Variants in ERC2 observed in about 807,000 individuals in gnomAD.
The protein encoded by ERC2 is ERC protein 2.
ERC2 carries 42 observed loss-of-function variants against 114.8 expected under a neutral mutation model. That is an observed-to-expected ratio of 0.37 (90% CI 0.29 to 0.47). ERC2 has a LOEUF of 0.47. ERC2 is among the 20% of genes least tolerant of loss of function. The pLI, the probability that ERC2 is intolerant of heterozygous loss-of-function variation, is 0.99. For missense variants in ERC2, 939 were observed against 1,150.7 expected, an observed-to-expected ratio of 0.82 and a Z score of 2.66; for synonymous variants, 454 against 425.5, an observed-to-expected ratio of 1.07 and a Z score of -0.82.
chr3:55,692,706 T>A lies in ERC2; in HGVS notation c.2847+6672A>T, dbSNP rs373258190. ...GAAATCTCAAAACCAAGGCAGTGAG[T>A]GCTGCAGCCTCTCTGAAGCAGAGTA... On this transcript the variant is annotated intron_variant, in intron 16 of 17. Transcript: ENST00000288221. Among the ~76,000 whole-genome samples, 55 of 152,254 alleles carry A rather than the reference T, an allele frequency of 3.6e-4. 2 individuals carry two copies. The East Asian group carries it at 6.2e-3, about 17-fold the overall frequency.
intron 2 of ERC2, among the ~76,000 whole-genome samples, chr3:56,424,458 C>G (rs757816620): frequency 4.6e-5 from 7 of 152,140 alleles, no homozygotes; most frequent in Non-Finnish European, 8.8e-5. Context: ...TGTAAGGCCA[C>G]TAATGTGGTA....
chr3:56,170,606 T>TG (rs60811425), intron 4 of ERC2, among the ~76,000 whole-genome samples: 50 of 144,134 alleles, frequency 3.5e-4, no homozygotes, highest in Non-Finnish European at 4.5e-4. Context: ...TTTTTTTTTT[T>TG]TTTTTTTTGA....
At chr3:55,840,468 G>A (rs967282940) in intron 14 of ERC2, among the ~76,000 whole-genome samples, 1 of 151,580 alleles carries the variant, frequency 6.6e-6, no homozygotes, top group African/African-American at 2.4e-5. Context: ...TAAATTAAAA[G>A]GATTGACCAT....
chr3:55,537,166 C>T (rs890615599), intron 17 of ERC2, among the ~76,000 whole-genome samples: 1 of 152,230 alleles, frequency 6.6e-6, no homozygotes, highest in Non-Finnish European at 1.5e-5. Flanking sequence ...TAACTCACTG[C>T]AGACCAGCGG....
At chr3:56,170,788 A>C (rs1405064992) in intron 4 of ERC2, among the ~76,000 whole-genome samples, 3 of 108,406 alleles carry the variant, frequency 2.8e-5, no homozygotes, top group Non-Finnish European at 5.7e-5. Flanking sequence ...TTTCTGAGAC[A>C]GAGTCTCGCT....
chr3:56,459,045 G>A (rs369596392), intron 1 of ERC2, among the ~76,000 whole-genome samples: 14 of 152,214 alleles, frequency 9.2e-5, no homozygotes, highest in African/African-American at 2.2e-4. Flanking sequence ...TCATGGGACC[G>A]CCCTAACCTC....
intron 17 of ERC2, among the ~76,000 whole-genome samples, chr3:55,559,647 C>T (rs189901069): frequency 6.6e-6 from 1 of 152,368 alleles, no homozygotes; most frequent in Admixed American, 6.5e-5. Flanking sequence ...TAGATCCCTG[C>T]AAAACTCCCC....
At chr3:56,030,837 GAGTA>G (rs2074337789) in intron 7 of ERC2, among the ~76,000 whole-genome samples, 1 of 152,184 alleles carries the variant, frequency 6.6e-6, no homozygotes, top group African/African-American at 2.4e-5. Context: ...TCAGTGAAGA[GAGTA>G]AGAACAGTTT....
intron 15 of ERC2, among the ~76,000 whole-genome samples, chr3:55,728,359 C>G (rs895593508): frequency 5.3e-5 from 8 of 152,214 alleles, no homozygotes; most frequent in African/African-American, 1.9e-4. Flanking sequence ...TACATGTGCT[C>G]AAAAATGTCA....
At chr3:56,111,911 C>A (rs1218471003) in intron 6 of ERC2, among the ~76,000 whole-genome samples, 3 of 152,174 alleles carry the variant, frequency 2.0e-5, no homozygotes, top group African/African-American at 7.2e-5. Context: ...TCTAAATATG[C>A]AATTCATAAA....
chr3:56,414,385 G>T (rs72875303), intron 2 of ERC2, among the ~76,000 whole-genome samples: 7,373 of 152,196 alleles, frequency 0.048, 446 homozygotes, highest in African/African-American at 0.14. Flanking sequence ...TTCTGGTTCT[G>T]TGGGGGTAGC....
intron 17 of ERC2, among the ~76,000 whole-genome samples, chr3:55,638,565 T>C (rs145466047): frequency 6.6e-6 from 1 of 152,354 alleles, no homozygotes; most frequent in African/African-American, 2.4e-5. Flanking sequence ...AATGACTTAC[T>C]ACTTCAGAGA....
At chr3:55,762,495 T>C (rs1380941625) in intron 14 of ERC2, among the ~76,000 whole-genome samples, 1 of 152,206 alleles carries the variant, frequency 6.6e-6, no homozygotes, top group African/African-American at 2.4e-5. Context: ...TGTGCCTGCC[T>C]TCAAGGATCT....
At chr3:55,653,302 T>C (rs1239736377) in intron 17 of ERC2, among the ~76,000 whole-genome samples, 1 of 152,198 alleles carries the variant, frequency 6.6e-6, no homozygotes, top group Non-Finnish European at 1.5e-5. Context: ...TTAATTCTAT[T>C]GCATTCAACA....
At chr3:55,859,844 A>G (rs925789769) in intron 14 of ERC2, among the ~76,000 whole-genome samples, 1 of 152,068 alleles carries the variant, frequency 6.6e-6, no homozygotes, top group Non-Finnish European at 1.5e-5. Flanking sequence ...TAGTACAGAC[A>G]GAAGACAAAC....
intron 2 of ERC2, among the ~76,000 whole-genome samples, chr3:56,409,107 C>T (rs556663273): frequency 1.3e-5 from 2 of 152,194 alleles, no homozygotes; most frequent in African/African-American, 4.8e-5. Flanking sequence ...CATGCCTGCT[C>T]GCTCACTGGG....
rs1253151194 is a variant in ERC2 at position 55,509,599 on chromosome 3, G to T, written c.*1717C>A. ...ATGACAAGAACAAAGCCAGAAGCAA[G>T]AAACCTGCTTGAGTATCTTAACCGC... is the stretch of plus-strand genomic sequence containing the variant. On this transcript the variant is annotated 3_prime_UTR_variant, in exon 18 of 18. Coordinates refer to ENST00000288221, the MANE Select transcript of ERC2 (RefSeq NM_015576.3). 6.6e-6 allele frequency: 1 copy of T among 152,594 alleles called. No homozygotes were observed. The highest frequency in any genetic ancestry group is 6.5e-5 in the Admixed American group (1 of 15,274). The allele number at this position is 152,594 out of a possible 1,614,324, so 9.5% of individuals were successfully genotyped here.
At chr3:55,966,149 G>C (rs1323779312) in intron 12 of ERC2, among the ~76,000 whole-genome samples, 1 of 152,164 alleles carries the variant, frequency 6.6e-6, no homozygotes, top group African/African-American at 2.4e-5. Flanking sequence ...CAAGGGGCTA[G>C]GGTCAAATAA....
chr3:56,047,189 A>G (rs1256581944), intron 7 of ERC2, among the ~76,000 whole-genome samples: 1 of 152,142 alleles, frequency 6.6e-6, no homozygotes, highest in East Asian at 1.9e-4. Context: ...TTGTTCTTTT[A>G]TTGTCCAAGG....
Sources: gnomAD v4.1 joint callset for allele counts (sites outside exome capture counted in the v4.1 genomes callset) on GRCh38, gnomAD v4.1.1 for gene constraint, MANE v1.5 for transcripts, NCBI Gene and HGNC (gene_info 2026-07-23, HGNC 2026-07-21) for gene names.